Variants in SMAGP observed in about 807,000 individuals in gnomAD.
SMAGP encodes the protein small cell transmembrane and glycosylated protein.
SMAGP carries 7 observed loss-of-function variants against 10.1 expected under a neutral mutation model. The ratio of observed to expected loss-of-function variants is 0.70; its 90% confidence interval spans 0.40 to 1.31. The LOEUF is 1.31. Among genes scored for constraint, SMAGP ranks in the 50% most tolerant of loss-of-function variants. The pLI, the probability that SMAGP is intolerant of heterozygous loss-of-function variation, is 0.01. For synonymous variants in SMAGP, 49 were observed against 47.2 expected (o/e 1.04, Z -0.16); for missense variants, 113 against 116.5 (o/e 0.97, Z 0.14).
chr12:51,266,666 AAC>A (rs1329935158), intron 2 of SMAGP, among the ~76,000 whole-genome samples: 2 of 152,164 alleles, frequency 1.3e-5, no homozygotes, highest in Non-Finnish European at 2.9e-5. Flanking sequence ...TACAGGAAAA[AAC>A]ACAGTATAGA....
At chr12:51,254,418 A>G (rs1370263340) in intron 2 of SMAGP, among the ~76,000 whole-genome samples, 1 of 151,968 alleles carries the variant, frequency 6.6e-6, no homozygotes, top group Non-Finnish European at 1.5e-5. Flanking sequence ...GTGGTGGCGT[A>G]TGCCTGTAGT....
Position 51,245,923 on chromosome 12 carries a change from C to T in SMAGP, c.*18G>A. 5 of 1,606,892 alleles carry T rather than the reference C, an allele frequency of 3.1e-6. 1 individual carries two copies. The highest frequency in any genetic ancestry group is 3.6e-4 in the Middle Eastern group (2 of 5,530). ...TAGCGATGGAGCCAGGAATAAGCTCCTTGGGGCCTGGGAGTCATTAGATGA... is the reference window on the plus strand; with the variant it reads ...TAGCGATGGAGCCAGGAATAAGCTCTTTGGGGCCTGGGAGTCATTAGATGA... On this transcript the variant is annotated 3_prime_UTR_variant, in exon 4 of 4. Transcript: ENST00000603798.
At chr12:51,247,807 C>G (rs1388505870) in intron 2 of SMAGP, among the ~76,000 whole-genome samples, 1 of 152,194 alleles carries the variant, frequency 6.6e-6, no homozygotes, top group Non-Finnish European at 1.5e-5. Context: ...TCGAGCAAAA[C>G]AGACACGGCC....
intron 2 of SMAGP, among the ~76,000 whole-genome samples, chr12:51,252,129 T>C (rs768711188): frequency 6.6e-6 from 1 of 151,592 alleles, no homozygotes; most frequent in Non-Finnish European, 1.5e-5. Flanking sequence ...AGTCTCGCTC[T>C]GTCACCCAGG....
chr12:51,245,405 T>G lies in SMAGP; in HGVS notation c.*536A>C, dbSNP rs1313896842. On this transcript the variant is annotated 3_prime_UTR_variant, in exon 4 of 4. Coordinates refer to ENST00000603798, the MANE Select transcript of SMAGP (RefSeq NM_001031628.2). ...AATAAAAATCACGTAAGCATGAGGT[T>G]GTTGGGGAACACGGAAAGGAAGGGC... 1 of 152,848 alleles carries G rather than the reference T, an allele frequency of 6.5e-6. No individual in the cohort carries two copies. Among genetic ancestry groups the G allele is most frequent in the African/African-American group, 2.4e-5 (1 of 41,468 alleles). 9.5% of individuals were successfully genotyped at this position (152,848 alleles called of 1,614,324 possible). A position where few individuals can be genotyped will look rare whatever the true frequency, so the allele number is the denominator to read the frequency against.
At chr12:51,258,964 T>G (rs1183486933) in intron 2 of SMAGP, among the ~76,000 whole-genome samples, 1 of 109,060 alleles carries the variant, frequency 9.2e-6, no homozygotes, top group Non-Finnish European at 1.7e-5. Flanking sequence ...CTGGGCAACA[T>G]GGGGAGACCC....
intron 2 of SMAGP, among the ~76,000 whole-genome samples, chr12:51,252,461 G>A (rs1424934237): frequency 1.3e-5 from 2 of 151,060 alleles, no homozygotes; most frequent in Non-Finnish European, 2.9e-5. Context: ...GCTTCATCTC[G>A]GCTCACTGCA....
At chr12:51,254,591 T>C (rs1003436307) in intron 2 of SMAGP, among the ~76,000 whole-genome samples, 2 of 152,014 alleles carry the variant, frequency 1.3e-5, no homozygotes, top group Admixed American at 6.6e-5. Context: ...AAAGATATGC[T>C]ATATTAGACG....
intron 2 of SMAGP, among the ~76,000 whole-genome samples, chr12:51,261,610 A>G (rs908300766): frequency 6.6e-6 from 1 of 152,200 alleles, no homozygotes; most frequent in Non-Finnish European, 1.5e-5. Flanking sequence ...GCTACGTAGC[A>G]TCTTGGAGAG....
intron 2 of SMAGP, among the ~76,000 whole-genome samples, chr12:51,266,957 A>G (rs1944979846): frequency 6.6e-6 from 1 of 152,174 alleles, no homozygotes; most frequent in African/African-American, 2.4e-5. Flanking sequence ...CTCCACTAAA[A>G]GTATACAAAT....
intron 2 of SMAGP, chr12:51,251,492 G>C (rs1944838111): frequency 6.6e-6 from 1 of 151,302 alleles, no homozygotes; most frequent in Non-Finnish European, 1.5e-5. Context: ...CGGTAAACTT[G>C]AGGTGAGAGG....
chr12:51,245,696 G>T lies in SMAGP; in HGVS notation c.*245C>A. 1 of 463,122 alleles carries T rather than the reference G, an allele frequency of 2.2e-6. No homozygotes were observed. The highest frequency in any genetic ancestry group is 3.9e-6 in the Non-Finnish European group (1 of 256,006). 28.7% of individuals were successfully genotyped at this position (463,122 alleles called of 1,614,324 possible). A position where few individuals can be genotyped will look rare whatever the true frequency, so the allele number is the denominator to read the frequency against. On this transcript the variant is annotated 3_prime_UTR_variant, in exon 4 of 4. Coordinates refer to ENST00000603798, the MANE Select transcript of SMAGP (RefSeq NM_001031628.2). ...ATGTCCCCTGGCATAGCCACATCTT[G>T]TTGGCCAGTCACAAACACCAGCTCT...
intron 2 of SMAGP, among the ~76,000 whole-genome samples, chr12:51,256,514 C>T (rs1333780991): frequency 6.6e-6 from 1 of 152,038 alleles, no homozygotes; most frequent in African/African-American, 2.4e-5. Flanking sequence ...CTGAGGTCAG[C>T]AGTTCAAGAC....
chr12:51,265,596 T>G (rs974592563), intron 2 of SMAGP, among the ~76,000 whole-genome samples: 1 of 152,194 alleles, frequency 6.6e-6, no homozygotes, highest in Non-Finnish European at 1.5e-5. Flanking sequence ...TTATGCTAAG[T>G]GAAGTTAGCC....
chr12:51,265,762 TG>T (rs1199238524), intron 2 of SMAGP, among the ~76,000 whole-genome samples: 1 of 152,050 alleles, frequency 6.6e-6, no homozygotes, highest in Non-Finnish European at 1.5e-5. Context: ...GTTCTGGAGA[TG>T]GATGGTGGTG....
intron 2 of SMAGP, among the ~76,000 whole-genome samples, chr12:51,265,155 A>C (rs1285006494): frequency 6.6e-6 from 1 of 152,220 alleles, no homozygotes; most frequent in East Asian, 1.9e-4. Flanking sequence ...AATGCAAATC[A>C]AAACCACAAT....
In SMAGP at chr12:51,245,762, C is replaced by T; in HGVS notation, c.*179G>A. ...TTAAAGATATCATAAACAGCTTTCT[C>T]CATGTCCCTGGTCCCTGGAGTCAGT... On this transcript the variant is annotated 3_prime_UTR_variant, in exon 4 of 4. Coordinates refer to ENST00000603798, the MANE Select transcript of SMAGP (RefSeq NM_001031628.2). 1.6e-6 allele frequency: 1 copy of T among 625,088 alleles called. No homozygotes were observed. 38.7% of individuals were successfully genotyped at this position (625,088 alleles called of 1,614,324 possible).
At chr12:51,265,975 G>C (rs974808648) in intron 2 of SMAGP, among the ~76,000 whole-genome samples, 1 of 152,042 alleles carries the variant, frequency 6.6e-6, no homozygotes, top group Non-Finnish European at 1.5e-5. Flanking sequence ...CCAGCTACTC[G>C]GGAAGCTAAG....
chr12:51,262,825 C>T (rs952588598), intron 2 of SMAGP, among the ~76,000 whole-genome samples: 1 of 152,166 alleles, frequency 6.6e-6, no homozygotes, highest in African/African-American at 2.4e-5. Flanking sequence ...GGCATCAGAT[C>T]TTTTGCCACC....
Sources: allele counts gnomAD v4.1 joint callset (sites outside exome capture counted in the v4.1 genomes callset), GRCh38; gene constraint gnomAD v4.1.1; transcripts MANE v1.5; gene names NCBI Gene and HGNC (gene_info 2026-07-23, HGNC 2026-07-21).